The following DRD3 variants were observed in gnomAD, a reference collection of about 807,000 sequenced individuals.
DRD3 encodes the protein dopamine receptor D3, also known as D(3) dopamine receptor.
In DRD3, 19 loss-of-function variants were observed where a neutral mutation model predicts 36.3. The ratio of observed to expected loss-of-function variants is 0.52; its 90% CI spans 0.36 to 0.77. DRD3 has a LOEUF of 0.77. DRD3 is among the 30% of genes least tolerant of loss of function. DRD3 has a pLI of 0.00. For missense variants in DRD3, 465 were observed against 505.3 expected, an observed-to-expected ratio of 0.92 and a Z score of 0.77; for synonymous variants, 195 against 203.7, an observed-to-expected ratio of 0.96 and a Z score of 0.36.
intron 1 of DRD3, among the ~76,000 whole-genome samples, chr3:114,196,964 A>C (rs1489280831): frequency 6.8e-6 from 1 of 146,886 alleles, no homozygotes; most frequent in Non-Finnish European, 1.5e-5. Flanking sequence ...TTTTAAATTT[A>C]TTTTTATTTT....
chr3:114,155,864 G>A (rs1442783455), intron 3 of DRD3, among the ~76,000 whole-genome samples: 1 of 151,938 alleles, frequency 6.6e-6, no homozygotes, highest in African/African-American at 2.4e-5. Flanking sequence ...CGTCCTTTCC[G>A]AAAGCCTCCT....
chr3:114,130,581 C>T (rs988794606), intron 6 of DRD3, among the ~76,000 whole-genome samples: 1 of 151,972 alleles, frequency 6.6e-6, no homozygotes. Context: ...CCCACCACCA[C>T]GCCTGGCTAA....
At chr3:114,197,486 T>G (rs1299746718) in intron 1 of DRD3, among the ~76,000 whole-genome samples, 1 of 152,056 alleles carries the variant, frequency 6.6e-6, no homozygotes, top group Non-Finnish European at 1.5e-5. Context: ...ATACTTTCCA[T>G]TTAATGGATT....
chr3:114,184,664 C>CTTTTTTTTTTTTTTTTTTTTTTTTTTTT (rs1553769533), intron 1 of DRD3, among the ~76,000 whole-genome samples: 1 of 136,580 alleles, frequency 7.3e-6, no homozygotes, highest in Admixed American at 8.1e-5. Flanking sequence ...TTATGTTCTC[C>CTTTTTTTTTTTTTTTTTTTTTTTTTTTT]TTCTTTTCCT....
chr3:114,195,392 G>A (rs1175556799), intron 1 of DRD3, among the ~76,000 whole-genome samples: 1 of 152,122 alleles, frequency 6.6e-6, no homozygotes, highest in Non-Finnish European at 1.5e-5. Context: ...GCATAGCCAA[G>A]GATGATTGAC....
chr3:114,185,121 G>T (rs2077968516), intron 1 of DRD3, among the ~76,000 whole-genome samples: 1 of 152,120 alleles, frequency 6.6e-6, no homozygotes, highest in South Asian at 2.1e-4. Flanking sequence ...GAAGTTCATT[G>T]TGCTTCTTGG....
intron 1 of DRD3, among the ~76,000 whole-genome samples, chr3:114,193,946 T>C (rs556446760): frequency 1.3e-5 from 2 of 152,344 alleles, no homozygotes; most frequent in South Asian, 4.1e-4. Context: ...TCCTTATTCC[T>C]TTGTCATTAC....
intron 3 of DRD3, among the ~76,000 whole-genome samples, chr3:114,156,004 G>T (rs1164634901): frequency 6.6e-6 from 1 of 152,036 alleles, no homozygotes; most frequent in East Asian, 1.9e-4. Flanking sequence ...ACCCAAATAA[G>T]ATCTGCCATT....
chr3:114,151,675 A>G (rs1483882687), intron 3 of DRD3, among the ~76,000 whole-genome samples: 1 of 152,190 alleles, frequency 6.6e-6, no homozygotes, highest in Non-Finnish European at 1.5e-5. Context: ...CAACAAGTGT[A>G]GGGAACCCTG....
chr3:114,168,866 G>A (rs1259798652), intron 2 of DRD3, among the ~76,000 whole-genome samples: 1 of 152,206 alleles, frequency 6.6e-6, no homozygotes, highest in Admixed American at 6.5e-5. Context: ...CTGGCAAAAT[G>A]AGCCAATTTT....
At chr3:114,135,957 C>T (rs371951243) in intron 5 of DRD3, among the ~76,000 whole-genome samples, 1 of 152,192 alleles carries the variant, frequency 6.6e-6, no homozygotes. Context: ...TCTCAAATTG[C>T]TGGGATTACA....
intron 1 of DRD3, among the ~76,000 whole-genome samples, chr3:114,195,359 C>T (rs575999954): frequency 6.6e-6 from 1 of 152,226 alleles, no homozygotes; most frequent in East Asian, 1.9e-4. Context: ...GGATGTCTGG[C>T]TGATATTGTA....
chr3:114,156,743 T>TTTTC (rs1158303889), intron 3 of DRD3, among the ~76,000 whole-genome samples: 5 of 20,770 alleles, frequency 2.4e-4, no homozygotes, highest in African/African-American at 3.8e-4. Flanking sequence ...CTTTCTTTCT[T>TTTTC]TTTCTTTCTT....
chr3:114,171,398 C>T (rs2077839837), intron 2 of DRD3, among the ~76,000 whole-genome samples: 1 of 152,148 alleles, frequency 6.6e-6, no homozygotes. Context: ...TTCACCCAGC[C>T]CACCATGTCA....
intron 3 of DRD3, among the ~76,000 whole-genome samples, chr3:114,153,528 C>A (rs147825707): frequency 2.8e-4 from 42 of 152,254 alleles, no homozygotes; most frequent in East Asian, 2.1e-3. Flanking sequence ...TCATTTAATC[C>A]TCCTAACAAC....
At chr3:114,129,346 A>AAAAC (rs2077406589) in intron 6 of DRD3, among the ~76,000 whole-genome samples, 3 of 151,924 alleles carry the variant, frequency 2.0e-5, no homozygotes, top group East Asian at 3.9e-4. Context: ...CCATCTCAAA[A>AAAAC]AAAACAAAAC....
chr3:114,145,774 G>A (rs1456693726), intron 4 of DRD3, among the ~76,000 whole-genome samples: 1 of 152,150 alleles, frequency 6.6e-6, no homozygotes, highest in East Asian at 1.9e-4. Context: ...AGAGTAATAA[G>A]TTGTATGGTA....
At position 114,194,259 on chromosome 3, in the gene DRD3, C is replaced by A. The variant is rs562340352; in HGVS notation, c.-156+5014G>T. Among the ~76,000 whole-genome samples, 9 of 152,044 alleles carry A rather than the reference C, an allele frequency of 5.9e-5. No individual in the cohort carries two copies. In the South Asian group the frequency reaches 1.9e-3, roughly 32 times the overall value. ...TTCAGAAGGCACACCATAGTAGGAC[C>A]CTCTGAATCCTGAATCCATTTTTTG... On this transcript the variant is annotated intron_variant, in intron 1 of 7. Coordinates refer to the DRD3 transcript ENST00000460779.
At chr3:114,159,715 C>T in intron 3 of DRD3, 40 bp downstream of exon 3, 1 of 1,587,530 alleles carries the variant, frequency 6.3e-7, no homozygotes, top group Non-Finnish European at 8.6e-7. Flanking sequence ...CCCCACTTCC[C>T]CAGCTTTTGG....
Sources: allele counts gnomAD v4.1 joint callset (sites outside exome capture counted in the v4.1 genomes callset), GRCh38; gene constraint gnomAD v4.1.1; transcripts MANE v1.5; gene names NCBI Gene and HGNC (gene_info 2026-07-23, HGNC 2026-07-21).